Variants in ADAMTS16 observed in about 807,000 individuals in gnomAD.
The protein encoded by ADAMTS16 is ADAM metallopeptidase with thrombospondin type 1 motif 16, also known as A disintegrin and metalloproteinase with thrombospondin motifs 16.
A neutral mutation model predicts 145.8 loss-of-function variants in ADAMTS16; 94 were observed. That is an observed-to-expected ratio of 0.64 (90% confidence interval 0.55 to 0.77). The LOEUF is 0.77. Among genes scored for constraint, ADAMTS16 ranks in the 30% least tolerant of loss-of-function variants. The probability of loss-of-function intolerance (pLI) is 0.00; values close to 1 mark genes in which losing one functional copy is unlikely to be tolerated. For synonymous variants in ADAMTS16, 659 were observed against 604.3 expected, an observed-to-expected ratio of 1.09 and a Z score of -1.33; for missense variants, 1,585 against 1,591.5, an observed-to-expected ratio of 1.00 and a Z score of 0.07.
intron 3 of ADAMTS16, among the ~76,000 whole-genome samples, chr5:5,178,026 A>T (rs879810055): frequency 4.6e-5 from 7 of 152,204 alleles, no homozygotes; most frequent in Admixed American, 4.6e-4. Flanking sequence ...AGTTTCTATG[A>T]ATCTCAGCAG....
In ADAMTS16 at chr5:5,182,109, G is replaced by C; in HGVS notation, c.567G>C (p.Trp189Cys). 6.2e-7 allele frequency: 1 copy of C among 1,614,036 alleles called. No homozygotes were observed. Among genetic ancestry groups the C allele is most frequent in the Non-Finnish European group, 8.5e-7 (1 of 1,180,028 alleles). Residue 189 changes from tryptophan to cysteine, a missense_variant, in exon 4 of 23, where the codon TGG becomes TGC. Physicochemically the swap from Trp to Cys is radical, Grantham distance 215. Around this residue, in one of 3 missense-constraint regions of ADAMTS16, gnomAD observed 453 missense variants for 412.1 expected, o/e 1.10. Coordinates refer to ENST00000274181, the MANE Select transcript of ADAMTS16 (RefSeq NM_139056.4). ...GGCCACTTCCTTCACACCTCTCATG[G>C]AAACTCGGCAGAGCTGCCCAAGGCA... is the stretch of plus-strand genomic sequence containing the variant. ...FLRPLPSHLS[W>C]KLGRAAQGSS...
chr5:5,255,601 G>A (rs1265855833), intron 17 of ADAMTS16, among the ~76,000 whole-genome samples: 2 of 152,220 alleles, frequency 1.3e-5, no homozygotes, highest in Non-Finnish European at 2.9e-5. Context: ...ATGGGAGCAT[G>A]TGGCTTCTCA....
chr5:5,314,490 G>A (rs770284586), intron 21 of ADAMTS16, among the ~76,000 whole-genome samples: 2 of 152,212 alleles, frequency 1.3e-5, no homozygotes, highest in Non-Finnish European at 2.9e-5. Flanking sequence ...TCGTATTTGG[G>A]AGACTGAGGA....
chr5:5,248,918 C>T (rs1737538213), intron 17 of ADAMTS16, among the ~76,000 whole-genome samples: 1 of 152,166 alleles, frequency 6.6e-6, no homozygotes, highest in Admixed American at 6.5e-5. Flanking sequence ...TAGGGTCCTC[C>T]AGAGAAACAA....
At chr5:5,293,957 C>T (rs909045856) in intron 18 of ADAMTS16, among the ~76,000 whole-genome samples, 1 of 152,312 alleles carries the variant, frequency 6.6e-6, no homozygotes, top group East Asian at 1.9e-4. Context: ...GGCTTGTGGA[C>T]ATTCAGACAG....
intron 18 of ADAMTS16, among the ~76,000 whole-genome samples, chr5:5,290,748 T>C (rs1334152582): frequency 2.3e-4 from 35 of 152,210 alleles, no homozygotes; most frequent in Admixed American, 2.3e-3. Context: ...TAATCAAGTT[T>C]TTAATATCAT....
chr5:5,256,236 G>A (rs1190541029), intron 17 of ADAMTS16, among the ~76,000 whole-genome samples: 1 of 152,194 alleles, frequency 6.6e-6, no homozygotes, highest in Non-Finnish European at 1.5e-5. Flanking sequence ...ATAATTGGGA[G>A]AGCGATGCTA....
At chr5:5,189,146 T>G (rs555815995) in intron 6 of ADAMTS16, among the ~76,000 whole-genome samples, 1 of 152,324 alleles carries the variant, frequency 6.6e-6, no homozygotes, top group South Asian at 2.1e-4. Context: ...ATCCTAACAG[T>G]GCAAGCTTTA....
intron 21 of ADAMTS16, among the ~76,000 whole-genome samples, chr5:5,314,582 C>A (rs1733959858): frequency 6.6e-6 from 1 of 152,210 alleles, no homozygotes; most frequent in Non-Finnish European, 1.5e-5. Context: ...TAGTATATCA[C>A]CATCTTTATC....
At chr5:5,294,759 G>A (rs1400066337) in intron 18 of ADAMTS16, among the ~76,000 whole-genome samples, 1 of 152,202 alleles carries the variant, frequency 6.6e-6, no homozygotes. Context: ...GTGGGATCAG[G>A]AAAAGGCTGG....
chr5:5,284,565 G>A lies in ADAMTS16; in HGVS notation c.2790-18703G>A, dbSNP rs1739040933. Reference sequence around the variant, plus strand: ...GCATCTCAGGAGTGTTGTTCAGAAGGATGATTGCTCCTGGATTTCCTGGCT... The same window carrying A: ...GCATCTCAGGAGTGTTGTTCAGAAGAATGATTGCTCCTGGATTTCCTGGCT... On this transcript the variant is annotated intron_variant, in intron 18 of 22. Coordinates refer to ENST00000274181, the MANE Select transcript of ADAMTS16 (RefSeq NM_139056.4). Among the ~76,000 whole-genome samples the A allele has an allele frequency of 2.0e-5, 3 of 152,128 alleles. No individual in the cohort carries two copies. In the South Asian group the frequency reaches 6.2e-4, roughly 32 times the overall value.
chr5:5,175,653 T>A (rs902178374), intron 3 of ADAMTS16, among the ~76,000 whole-genome samples: 2 of 152,230 alleles, frequency 1.3e-5, no homozygotes, highest in Non-Finnish European at 2.9e-5. Context: ...TCACCCACAG[T>A]GGCAAGGCTT....
intron 18 of ADAMTS16, among the ~76,000 whole-genome samples, chr5:5,267,938 C>A (rs1180641858): frequency 2.0e-5 from 3 of 152,126 alleles, no homozygotes; most frequent in Non-Finnish European, 4.4e-5. Flanking sequence ...GCCTGGCTCA[C>A]GTGGGACCTT....
In ADAMTS16 at chr5:5,151,977, C is replaced by T. The variant is rs539753410; in HGVS notation, c.501+5522C>T. Among the ~76,000 whole-genome samples, 11 of 152,208 alleles carry T rather than the reference C, an allele frequency of 7.2e-5. No individual in the cohort carries two copies. In the South Asian group the frequency reaches 1.2e-3, roughly 17 times the overall value. ...TATTCAACTTCTTTTTTAGATTCCA[C>T]GTGTAAGTGAGACCATATAGTATTT... On this transcript the variant is annotated intron_variant, in intron 3 of 22. Coordinates refer to ENST00000274181, the MANE Select transcript of ADAMTS16 (RefSeq NM_139056.4).
At chr5:5,187,146 A>G (rs541232821) in intron 5 of ADAMTS16, among the ~76,000 whole-genome samples, 1 of 152,256 alleles carries the variant, frequency 6.6e-6, no homozygotes, top group South Asian at 2.1e-4. Flanking sequence ...TCTTCTGTAG[A>G]GCTTTTCCAA....
chr5:5,277,018 C>T (rs909627913), intron 18 of ADAMTS16, among the ~76,000 whole-genome samples: 1 of 152,176 alleles, frequency 6.6e-6, no homozygotes, highest in East Asian at 1.9e-4. Context: ...ACATTGCAGT[C>T]TTTTAAACCA....
At chr5:5,287,579 A>G (rs1385028952) in intron 18 of ADAMTS16, among the ~76,000 whole-genome samples, 1 of 152,202 alleles carries the variant, frequency 6.6e-6, no homozygotes, top group East Asian at 1.9e-4. Flanking sequence ...AGCGACGTAG[A>G]GAGTTCTTGG....
chr5:5,229,982 A>G (rs925055617), intron 11 of ADAMTS16, among the ~76,000 whole-genome samples: 2 of 152,216 alleles, frequency 1.3e-5, no homozygotes, highest in Non-Finnish European at 2.9e-5. Context: ...TCCTAACACC[A>G]ATGCTCTGGG....
At chr5:5,205,991 CT>C (rs1405355937) in intron 9 of ADAMTS16, among the ~76,000 whole-genome samples, 3 of 152,172 alleles carry the variant, frequency 2.0e-5, no homozygotes, top group Non-Finnish European at 4.4e-5. Flanking sequence ...TTGATTATGC[CT>C]TTGATGTTGT....
Sources: allele counts gnomAD v4.1 joint callset (sites outside exome capture counted in the v4.1 genomes callset), GRCh38; gene constraint gnomAD v4.1.1; regional missense constraint gnomAD v4.1.1; transcripts MANE v1.5; gene names NCBI Gene and HGNC (gene_info 2026-07-23, HGNC 2026-07-21).